The following SORT1 variants were observed in gnomAD, a reference collection of about 807,000 sequenced individuals.
The protein encoded by SORT1 is sortilin 1, also known as sortilin.
A neutral mutation model predicts 101.7 loss-of-function variants in SORT1; 39 were observed. The ratio of observed to expected loss-of-function variants is 0.38; its 90% CI spans 0.30 to 0.50. The LOEUF (loss-of-function observed/expected upper bound fraction) is 0.50. Among genes scored for constraint, SORT1 ranks in the 20% least tolerant of loss-of-function variants. The pLI is 0.90. For synonymous variants in SORT1, 396 were observed against 393.7 expected (o/e 1.01, Z -0.07); for missense variants, 878 against 1,040.4 (o/e 0.84, Z 2.15).
At chr1:109,393,592 A>G (rs1653033309) in intron 1 of SORT1, among the ~76,000 whole-genome samples, 1 of 152,214 alleles carries the variant, frequency 6.6e-6, no homozygotes, top group African/African-American at 2.4e-5. Flanking sequence ...AAGGTTATAC[A>G]TGTCATGAAT....
At chr1:109,387,409 C>T (rs1348563948) in intron 1 of SORT1, among the ~76,000 whole-genome samples, 1 of 152,166 alleles carries the variant, frequency 6.6e-6, no homozygotes, top group African/African-American at 2.4e-5. Flanking sequence ...AGGAGGATCA[C>T]TTGAGCCCAG....
intron 17 of SORT1, 36 bp from the exon 18 acceptor site, chr1:109,314,814 G>T: frequency 8.2e-7 from 1 of 1,216,820 alleles, no homozygotes; most frequent in Non-Finnish European, 1.2e-6. Context: ...AAAGTTTTAG[G>T]CATGCATATC....
intron 16 of SORT1, 28 bp downstream of exon 16, chr1:109,317,825 C>T (rs755597688): frequency 1.1e-5 from 15 of 1,377,610 alleles, no homozygotes; most frequent in South Asian, 9.3e-5. Context: ...CCTCATCCAT[C>T]GTGACAAGGG....
chr1:109,314,206 T>C, intron 19 of SORT1, 55 bp downstream of exon 19: 7 of 1,355,422 alleles, frequency 5.2e-6, no homozygotes, highest in Non-Finnish European at 7.1e-6. Context: ...CAGACTTTAT[T>C]TTCTTGTATT....
chr1:109,328,937 G>A (rs1648264468), intron 11 of SORT1, among the ~76,000 whole-genome samples: 1 of 152,172 alleles, frequency 6.6e-6, no homozygotes, highest in Non-Finnish European at 1.5e-5. Flanking sequence ...GGCTCCTGCA[G>A]ATCTACTTAC....
At chr1:109,375,366 T>TCCTGGCTAACACGGTGAAA (rs1557819910) in intron 1 of SORT1, among the ~76,000 whole-genome samples, 1 of 151,356 alleles carries the variant, frequency 6.6e-6, no homozygotes, top group Non-Finnish European at 1.5e-5. Flanking sequence ...ATCAAGACCA[T>TCCTGGCTAACACGGTGAAA]CCCCGTCTCT....
At position 109,327,099 on chromosome 1, in the gene SORT1, A is replaced by ACC; in HGVS notation, c.1534_1535dup (p.Tyr513ValfsTer35). On this transcript the variant is annotated frameshift_variant, in exon 13 of 20. Coordinates refer to ENST00000256637, the MANE Select transcript of SORT1 (RefSeq NM_002959.7). LOFTEE classifies it high-confidence loss of function. Reference sequence around the variant, plus strand: ...CTTCCAGCATCTTTGTCCAGGAGTAACCCCCATCATCTGAGATGTACACAT... The same window carrying ACC: ...CTTCCAGCATCTTTGTCCAGGAGTAACCCCCCCATCATCTGAGATGTACACAT... 1 of 1,613,478 alleles carries ACC rather than the reference A, an allele frequency of 6.2e-7. No individual in the cohort carries two copies. Among genetic ancestry groups the ACC allele is most frequent in the Non-Finnish European group, 8.5e-7 (1 of 1,179,860 alleles).
At chr1:109,326,278 C>A (rs1229382326) in intron 13 of SORT1, among the ~76,000 whole-genome samples, 1 of 147,064 alleles carries the variant, frequency 6.8e-6, no homozygotes, top group Non-Finnish European at 1.5e-5. Context: ...GTCTTGAACT[C>A]TTGGGCTCAA....
At chr1:109,394,848 G>A (rs1356222720) in intron 1 of SORT1, among the ~76,000 whole-genome samples, 1 of 152,206 alleles carries the variant, frequency 6.6e-6, no homozygotes, top group East Asian at 1.9e-4. Flanking sequence ...CTCGAATCCT[G>A]TCATGTTATG....
At chr1:109,327,403 C>T in intron 12 of SORT1, 96 bp downstream of exon 12, 2 of 798,334 alleles carry the variant, frequency 2.5e-6, no homozygotes, top group East Asian at 2.6e-5. Context: ...AAAGCATCCA[C>T]ATTGTTTCTT....
At chr1:109,359,745 C>A (rs1197759750) in intron 3 of SORT1, among the ~76,000 whole-genome samples, 1 of 152,150 alleles carries the variant, frequency 6.6e-6, no homozygotes, top group Non-Finnish European at 1.5e-5. Flanking sequence ...GGTAATCTTC[C>A]CACATCTGCC....
At chr1:109,369,430 G>T in intron 2 of SORT1, 100 bp downstream of exon 2, 1 of 777,934 alleles carries the variant, frequency 1.3e-6, no homozygotes, top group Non-Finnish European at 2.3e-6. Flanking sequence ...TGAGGCTAAA[G>T]ACAGTTTCAG....
chr1:109,340,146 C>CAA lies in SORT1; in HGVS notation c.1264+576_1264+577dup, dbSNP rs34790280. Among the ~76,000 whole-genome samples the CAA allele has an allele frequency of 4.7e-3, 451 of 96,264 alleles. 5 individuals carry two copies. Among genetic ancestry groups the CAA allele is most frequent in the Middle Eastern group, 0.024 (5 of 206 alleles). The allele number at this position is 96,264 out of a possible 152,430, so 63.2% of individuals were successfully genotyped here. A position where few individuals can be genotyped will look rare whatever the true frequency, so the allele number is the denominator to read the frequency against. ...TCTGGGCAACAGAGCGATTCCATCT[C>CAA]AAAAAAAAAAAAAAAAAAGAAAGAA... On this transcript the variant is annotated intron_variant, in intron 10 of 19. Coordinates refer to ENST00000256637, the MANE Select transcript of SORT1 (RefSeq NM_002959.7).
At chr1:109,350,597 T>C (rs1649899220) in intron 6 of SORT1, among the ~76,000 whole-genome samples, 1 of 152,244 alleles carries the variant, frequency 6.6e-6, no homozygotes, top group African/African-American at 2.4e-5. Context: ...GGAGAAGTAT[T>C]TAAATCCCTA....
At chr1:109,383,273 A>G (rs1652373580) in intron 1 of SORT1, among the ~76,000 whole-genome samples, 1 of 152,210 alleles carries the variant, frequency 6.6e-6, no homozygotes, top group South Asian at 2.1e-4. Context: ...CAAAGAAGGA[A>G]GTGAATTCAA....
chr1:109,372,542 C>T (rs760570586), intron 1 of SORT1, among the ~76,000 whole-genome samples: 18 of 152,162 alleles, frequency 1.2e-4, no homozygotes, highest in Non-Finnish European at 2.4e-4. Context: ...TGGACTTCTG[C>T]TTCTGGTCAA....
chr1:109,366,437 TAGAA>T (rs1391936223), intron 3 of SORT1, among the ~76,000 whole-genome samples: 4 of 152,218 alleles, frequency 2.6e-5, no homozygotes, highest in Non-Finnish European at 5.9e-5. Context: ...TCACACTAAA[TAGAA>T]AGACTTTTTA....
intron 3 of SORT1, among the ~76,000 whole-genome samples, chr1:109,360,386 G>A (rs985851865): frequency 2.0e-5 from 3 of 152,120 alleles, no homozygotes; most frequent in African/African-American, 7.2e-5. Flanking sequence ...AGGCTGGGGT[G>A]CAATGATGAG....
Position 109,313,194 on chromosome 1 carries a change from CCT to C in SORT1, c.*847_*848del, listed in dbSNP as rs72646599. 8.7e-3 allele frequency: 1,329 copies of C among 152,564 alleles called. 10 individuals are homozygous for C. The highest frequency in any genetic ancestry group is 0.012 in the Non-Finnish European group (821 of 68,032). 9.5% of individuals were successfully genotyped at this position (152,564 alleles called of 1,614,324 possible). A position where few individuals can be genotyped will look rare whatever the true frequency, so the allele number is the denominator to read the frequency against. On this transcript the variant is annotated 3_prime_UTR_variant, in exon 20 of 20. Transcript: ENST00000256637. ...GGCAGACTTCCAGCTAAGTTTGTACCCTGTCCTTGCGTAAGTCTACTGGCACA... is the reference window on the plus strand; with the variant it reads ...GGCAGACTTCCAGCTAAGTTTGTACCGTCCTTGCGTAAGTCTACTGGCACA...
Sources: allele counts gnomAD v4.1 joint callset (sites outside exome capture counted in the v4.1 genomes callset), GRCh38; gene constraint gnomAD v4.1.1; transcripts MANE v1.5; gene names NCBI Gene and HGNC (gene_info 2026-07-23, HGNC 2026-07-21).